The following EBF1 variants were observed in gnomAD, a reference collection of about 807,000 sequenced individuals.
The protein encoded by EBF1 is EBF transcription factor 1.
EBF1 carries 10 observed loss-of-function variants against 68.4 expected under a neutral mutation model. The ratio of observed to expected loss-of-function variants is 0.15; its 90% confidence interval spans 0.09 to 0.25. The LOEUF (loss-of-function observed/expected upper bound fraction) is 0.25. EBF1 is among the 10% of genes least tolerant of loss of function. The probability of loss-of-function intolerance (pLI) is 1.00; values close to 1 mark genes in which losing one functional copy is unlikely to be tolerated. For missense variants in EBF1, 509 were observed against 794.4 expected (o/e 0.64, Z 4.32); for synonymous variants, 298 against 299.8 (o/e 0.99, Z 0.06).
intron 6 of EBF1, among the ~76,000 whole-genome samples, chr5:159,048,120 T>C (rs1288099421): frequency 6.6e-6 from 1 of 152,248 alleles, no homozygotes; most frequent in African/African-American, 2.4e-5. Flanking sequence ...GAAGACAGAA[T>C]GGTCTCCAGA....
chr5:158,860,100 T>C (rs929106994), intron 6 of EBF1, among the ~76,000 whole-genome samples: 7 of 152,238 alleles, frequency 4.6e-5, no homozygotes. Context: ...AACTTCTAGT[T>C]CCGCACCTAC....
intron 4 of EBF1, among the ~76,000 whole-genome samples, chr5:159,089,493 A>G (rs558305783): frequency 1.3e-5 from 2 of 152,280 alleles, no homozygotes; most frequent in South Asian, 2.1e-4. Context: ...TAAAGACCAC[A>G]CAGTAAAATG....
intron 6 of EBF1, among the ~76,000 whole-genome samples, chr5:158,995,690 G>T (rs931273999): frequency 1.3e-5 from 2 of 152,142 alleles, no homozygotes; most frequent in Non-Finnish European, 2.9e-5. Context: ...TCATTGTAAG[G>T]ATTAACTGGA....
At chr5:158,983,460 A>T (rs1758319198) in intron 6 of EBF1, 1 of 152,214 alleles carries the variant, frequency 6.6e-6, no homozygotes, top group Non-Finnish European at 1.5e-5. Context: ...TGTTGTCTAG[A>T]GTAGTATTGA....
At chr5:159,043,908 C>G (rs1771777881) in intron 6 of EBF1, among the ~76,000 whole-genome samples, 1 of 152,102 alleles carries the variant, frequency 6.6e-6, no homozygotes, top group South Asian at 2.1e-4. Context: ...TATTAACTGG[C>G]ACTTGTGCAG....
At chr5:158,730,151 GT>G (rs1210504992) in intron 11 of EBF1, among the ~76,000 whole-genome samples, 1 of 152,236 alleles carries the variant, frequency 6.6e-6, no homozygotes, top group East Asian at 1.9e-4. Flanking sequence ...AATGTTAATA[GT>G]TTTCACTTGT....
intron 10 of EBF1, among the ~76,000 whole-genome samples, chr5:158,739,313 T>C (rs1765823947): frequency 1.3e-5 from 2 of 152,154 alleles, no homozygotes; most frequent in East Asian, 3.8e-4. Context: ...CTCCAATAAT[T>C]AGGAGAAACT....
chr5:159,092,926 G>A (rs796914081), intron 4 of EBF1, among the ~76,000 whole-genome samples: 1 of 152,110 alleles, frequency 6.6e-6, no homozygotes, highest in Non-Finnish European at 1.5e-5. Flanking sequence ...TAATCCATCA[G>A]TTTATATCAA....
At chr5:159,089,750 TATC>T (rs1346055001) in intron 4 of EBF1, among the ~76,000 whole-genome samples, 1 of 144,912 alleles carries the variant, frequency 6.9e-6, no homozygotes, top group African/African-American at 2.6e-5. Flanking sequence ...AAAGGAAACT[TATC>T]ATCATTAGTT....
intron 8 of EBF1, among the ~76,000 whole-genome samples, chr5:158,809,201 T>C (rs762841056): frequency 8.5e-5 from 13 of 152,190 alleles, no homozygotes. Context: ...TAAAGGGTTT[T>C]ACCATACATT....
chr5:158,990,506 A>G lies in EBF1; in HGVS notation c.554+82890T>C, dbSNP rs529625227. ...GTGATACCAAAGAGTAATGACACAA[A>G]GACAAGCTCTTATTGTGATGTCAGT... On this transcript the variant is annotated intron_variant, in intron 6 of 15. Coordinates refer to ENST00000313708, the MANE Select transcript of EBF1 (RefSeq NM_024007.5). Among the ~76,000 whole-genome samples, 3 of 152,368 alleles carry G rather than the reference A, an allele frequency of 2.0e-5. No homozygotes were observed. In the South Asian group the frequency reaches 6.2e-4, roughly 32 times the overall value.
At chr5:159,085,519 C>A (rs1466802303) in intron 4 of EBF1, among the ~76,000 whole-genome samples, 1 of 152,080 alleles carries the variant, frequency 6.6e-6, no homozygotes, top group Non-Finnish European at 1.5e-5. Context: ...AAGAAGATTC[C>A]CTGGGACCTC....
At chr5:158,973,517 T>C (rs1756082018) in intron 6 of EBF1, among the ~76,000 whole-genome samples, 1 of 151,766 alleles carries the variant, frequency 6.6e-6, no homozygotes, top group African/African-American at 2.4e-5. Context: ...GACCAGCAAA[T>C]CACCCAGATA....
At chr5:158,825,904 C>A (rs1785999621) in intron 7 of EBF1, among the ~76,000 whole-genome samples, 1 of 151,688 alleles carries the variant, frequency 6.6e-6, no homozygotes, top group African/African-American at 2.4e-5. Flanking sequence ...TAAAATTAAT[C>A]CACAGAGCGA....
intron 6 of EBF1, among the ~76,000 whole-genome samples, chr5:158,936,251 C>A (rs565405661): frequency 9.2e-5 from 14 of 152,280 alleles, no homozygotes; most frequent in African/African-American, 3.1e-4. Context: ...AGTTTCCCAT[C>A]TCAGCTGATC....
At chr5:158,762,267 C>T (rs1191667239) in intron 10 of EBF1, among the ~76,000 whole-genome samples, 1 of 152,158 alleles carries the variant, frequency 6.6e-6, no homozygotes, top group African/African-American at 2.4e-5. Flanking sequence ...TAATTGAATA[C>T]TTATATTAGA....
intron 6 of EBF1, among the ~76,000 whole-genome samples, chr5:158,874,627 CA>C (rs1797473428): frequency 6.6e-6 from 1 of 152,176 alleles, no homozygotes; most frequent in East Asian, 1.9e-4. Context: ...TGTGTGTAGA[CA>C]GGTTTTTTTT....
intron 6 of EBF1, among the ~76,000 whole-genome samples, chr5:158,853,633 G>C (rs1793408991): frequency 6.6e-6 from 1 of 152,098 alleles, no homozygotes; most frequent in Non-Finnish European, 1.5e-5. Flanking sequence ...TGGAGAAGGA[G>C]GTGTGCTGAG....
chr5:159,048,568 T>C (rs1009858739), intron 6 of EBF1, among the ~76,000 whole-genome samples: 1 of 152,190 alleles, frequency 6.6e-6, no homozygotes, highest in Non-Finnish European at 1.5e-5. Flanking sequence ...CCTTAGAAGA[T>C]TCCAATGGGA....
Sources: allele counts gnomAD v4.1 joint callset (sites outside exome capture counted in the v4.1 genomes callset), GRCh38; gene constraint gnomAD v4.1.1; transcripts MANE v1.5; gene names NCBI Gene and HGNC (gene_info 2026-07-23, HGNC 2026-07-21).